The following PLXNA2 variants were observed in gnomAD, a reference collection of about 807,000 sequenced individuals.
PLXNA2 encodes plexin A2.
PLXNA2 carries 91 observed loss-of-function variants against 193.5 expected under a neutral mutation model. That is an observed-to-expected ratio of 0.47 (90% confidence interval 0.40 to 0.56). The LOEUF is 0.56. Ranked by LOEUF, PLXNA2 falls within the 20% of genes least tolerant of loss-of-function variation. PLXNA2 has a pLI of 0.00. For synonymous variants in PLXNA2, 997 were observed against 1,027.3 expected (o/e 0.97, Z 0.56); for missense variants, 1,995 against 2,503.2 (o/e 0.80, Z 4.33).
At chr1:208,228,260 G>A (rs1004482454) in intron 1 of PLXNA2, among the ~76,000 whole-genome samples, 3 of 152,206 alleles carry the variant, frequency 2.0e-5, no homozygotes, top group Non-Finnish European at 4.4e-5. Flanking sequence ...CCCAATCCCT[G>A]ATGCTTCATC....
At position 208,033,290 on chromosome 1, in the gene PLXNA2, C is replaced by G. The variant is rs760058089; in HGVS notation, c.5055+29G>C. 5.0e-6 allele frequency: 8 copies of G among 1,592,910 alleles called. No individual in the cohort carries two copies. In the South Asian group the frequency reaches 9.1e-5, roughly 18 times the overall value. On this transcript the variant is annotated intron_variant, in intron 28 of 31. Transcript: ENST00000367033. ...GCAGGATGTGCTCCTTTAACAAGCA[C>G]TCCCTGGTCTGGGCAGAGGGGGAGT...
intron 13 of PLXNA2, among the ~76,000 whole-genome samples, chr1:208,059,866 G>A (rs930615853): frequency 5.3e-5 from 8 of 152,108 alleles, no homozygotes; most frequent in African/African-American, 1.7e-4. Flanking sequence ...TCCGGTGGGG[G>A]GGATCAGAGG....
intron 3 of PLXNA2, among the ~76,000 whole-genome samples, chr1:208,186,813 G>C (rs911613994): frequency 6.7e-6 from 1 of 150,320 alleles, no homozygotes; most frequent in South Asian, 2.1e-4. Context: ...TCCGCTTCCC[G>C]GGTTCACGCC....
rs1182879892 is a variant in PLXNA2, at chr1:208,096,833, A to G, written c.1782T>C (p.Cys594=). The change falls in exon 7 of 32, where the codon TGT becomes TGC. Residue 594 remains cysteine, a synonymous_variant. Transcript: ENST00000367033. ...DAPDLSAGIA[C]AFGNLTEVEG... ...CCACCTCTGTCAGGTTCCCAAAGGC[A>G]CAGGCGATACCCGCAGATAGATCAG... 1.2e-6 allele frequency: 2 copies of G among 1,614,114 alleles called. No homozygotes were observed. The highest frequency in any genetic ancestry group is 1.1e-5 in the South Asian group (1 of 91,078).
intron 4 of PLXNA2, among the ~76,000 whole-genome samples, chr1:208,142,126 G>A (rs577603615): frequency 6.6e-5 from 10 of 152,346 alleles, no homozygotes; most frequent in Middle Eastern, 3.4e-3. Flanking sequence ...GTGGCCTAGA[G>A]TGAAGCCTCC....
At chr1:208,035,506 C>G (rs1441433612) in intron 26 of PLXNA2, among the ~76,000 whole-genome samples, 1 of 152,132 alleles carries the variant, frequency 6.6e-6, no homozygotes, top group Non-Finnish European at 1.5e-5. Context: ...CAGCACCCAG[C>G]CTGCAGGAGA....
intron 9 of PLXNA2, 109 bp from the exon 10 acceptor site, chr1:208,084,689 T>C: frequency 1.0e-6 from 1 of 995,868 alleles, no homozygotes; most frequent in Non-Finnish European, 1.5e-6. Context: ...GAGCAGGATA[T>C]TACCTCATGT....
intron 13 of PLXNA2, among the ~76,000 whole-genome samples, 161 bp downstream of exon 13, chr1:208,060,525 T>G (rs1311820929): frequency 6.7e-6 from 1 of 148,994 alleles, no homozygotes; most frequent in Non-Finnish European, 1.5e-5. Context: ...AGGGTGGAGG[T>G]GAGGGAGGAG....
Position 208,060,762 on chromosome 1 carries a change from A to G in PLXNA2, c.2662T>C (p.Ser888Pro). 1 of 1,614,084 alleles carries G rather than the reference A, an allele frequency of 6.2e-7. No individual in the cohort carries two copies. The highest frequency in any genetic ancestry group is 1.3e-5 in the African/African-American group (1 of 75,034). ...ACCTGCACATGGTGGGCGATCTCGG[A>G]GAAGTCCAGACCCAGGTTCACGCCA... ...IHGVNLGLDF[S>P]EIAHHVQVAG... Residue 888 changes from serine to proline, a missense_variant, in exon 13 of 32, where the codon TCC (serine) becomes CCC (proline). By Grantham distance (74) the Ser-to-Pro change is moderately conservative (BLOSUM62 -1). Coordinates refer to ENST00000367033, the MANE Select transcript of PLXNA2 (RefSeq NM_025179.4).
Position 208,217,082 on chromosome 1 carries a change from C to T in PLXNA2, c.841G>A (p.Val281Met), listed in dbSNP as rs745548805. 3.7e-6 allele frequency: 6 copies of T among 1,613,956 alleles called. No homozygotes were observed. The highest frequency in any genetic ancestry group is 1.3e-5 in the African/African-American group (1 of 74,918). The change falls in exon 2 of 32, where the codon GTG becomes ATG. Residue 281 changes from valine to methionine, a missense_variant. This residue lies in a region of PLXNA2 where 702 missense variants were observed against 812.9 expected (regional missense o/e 0.86). Coordinates refer to ENST00000367033, the MANE Select transcript of PLXNA2 (RefSeq NM_025179.4). This position sits in a 1 kb window ranked among gnomAD's most constrained non-coding sequence, Gnocchi z 4.7. The part of the protein sequence containing the change: ...AGDLFYTSRI[V>M]RLCKDDPKFH... ...TTGGGGTCATCCTTGCAGAGCCGCA[C>T]GATGCGTGAGGTGTAGAAGAGGTCT...
chr1:208,101,619 T>G (rs1267820045), intron 5 of PLXNA2, among the ~76,000 whole-genome samples: 1 of 152,080 alleles, frequency 6.6e-6, no homozygotes, highest in African/African-American at 2.4e-5. Context: ...GAAGACCAGG[T>G]GGTTTGCGGC....
intron 3 of PLXNA2, among the ~76,000 whole-genome samples, chr1:208,196,876 T>C (rs1002105683): frequency 2.0e-5 from 3 of 152,190 alleles, no homozygotes; most frequent in African/African-American, 7.2e-5. Flanking sequence ...AAAAGAAAGC[T>C]ATCTCTTTTG....
chr1:208,030,298 G>A (rs1664459100), intron 29 of PLXNA2: 2 of 985,364 alleles, frequency 2.0e-6, no homozygotes, highest in South Asian at 4.7e-5. Flanking sequence ...ACACCACGAT[G>A]CCAGGGTAGT....
chr1:208,049,942 C>T (rs549809537), intron 17 of PLXNA2, among the ~76,000 whole-genome samples: 13 of 152,236 alleles, frequency 8.5e-5, no homozygotes, highest in African/African-American at 3.1e-4. Context: ...AAAATAATGG[C>T]CATAGTAGCA....
intron 3 of PLXNA2, among the ~76,000 whole-genome samples, chr1:208,195,650 T>TG (rs1670332527): frequency 7.3e-6 from 1 of 136,202 alleles, no homozygotes. Context: ...AAAATGTTTT[T>TG]TGGGGGGGGG....
intron 1 of PLXNA2, among the ~76,000 whole-genome samples, chr1:208,238,634 G>A (rs1190111166): frequency 6.6e-6 from 1 of 152,062 alleles, no homozygotes; most frequent in East Asian, 1.9e-4. Context: ...ATGAAAGGGG[G>A]AATTATAATT....
chr1:208,040,889 G>A (rs893985281), intron 22 of PLXNA2, among the ~76,000 whole-genome samples: 2 of 152,198 alleles, frequency 1.3e-5, no homozygotes, highest in African/African-American at 4.8e-5. Context: ...TGGGGATTTG[G>A]GAAGGAACAA....
chr1:208,131,825 C>T (rs1172285468), intron 4 of PLXNA2, among the ~76,000 whole-genome samples: 1 of 152,138 alleles, frequency 6.6e-6, no homozygotes, highest in Non-Finnish European at 1.5e-5. Flanking sequence ...GCTGGGGTCT[C>T]TGCATGGGCT....
chr1:208,130,732 C>T (rs1438492870), intron 4 of PLXNA2, among the ~76,000 whole-genome samples: 1 of 152,170 alleles, frequency 6.6e-6, no homozygotes, highest in East Asian at 1.9e-4. Context: ...CACCCCTCTG[C>T]CATCCTGCCA....
Sources: allele counts gnomAD v4.1 joint callset (sites outside exome capture counted in the v4.1 genomes callset), GRCh38; gene constraint gnomAD v4.1.1; regional missense constraint gnomAD v4.1.1; non-coding constraint Gnocchi (gnomAD v3.1); transcripts MANE v1.5; gene names NCBI Gene and HGNC (gene_info 2026-07-23, HGNC 2026-07-21).